The following STAG1 variants were observed in gnomAD, a reference collection of about 807,000 sequenced individuals.
The protein encoded by STAG1 is cohesin subunit SA-1.
STAG1 carries 26 observed loss-of-function variants against 170.9 expected under a neutral mutation model. The ratio of observed to expected loss-of-function variants is 0.15; its 90% confidence interval spans 0.11 to 0.21. The LOEUF is 0.21. Ranked by LOEUF, STAG1 falls within the 10% of genes least tolerant of loss-of-function variation. The pLI, the probability that STAG1 is intolerant of heterozygous loss-of-function variation, is 1.00. For missense variants in STAG1, 964 were observed against 1,509.5 expected (o/e 0.64, Z 5.99); for synonymous variants, 514 against 497.7 (o/e 1.03, Z -0.44).
At chr3:136,363,555 GAAAA>G in intron 25 of STAG1, 88 bp from the exon 26 acceptor site, 41 of 290,618 alleles carry the variant, frequency 1.4e-4, no homozygotes, top group Middle Eastern at 8.4e-4. Flanking sequence ...CTTTGAAAAT[GAAAA>G]AAAAAAAAAA....
intron 7 of STAG1, among the ~76,000 whole-genome samples, chr3:136,520,202 G>C (rs1015306454): frequency 5.9e-5 from 9 of 152,118 alleles, no homozygotes; most frequent in Admixed American, 5.2e-4. Flanking sequence ...CAAATCACCA[G>C]CATCAACATT....
At chr3:136,553,998 T>C (rs557207339) in intron 5 of STAG1, among the ~76,000 whole-genome samples, 84 of 152,040 alleles carry the variant, frequency 5.5e-4, no homozygotes, top group Admixed American at 1.4e-3. Flanking sequence ...CAGCTGTAAG[T>C]TGTAACAAGC....
intron 9 of STAG1, among the ~76,000 whole-genome samples, chr3:136,496,934 G>C (rs1933139937): frequency 6.6e-6 from 1 of 151,934 alleles, no homozygotes; most frequent in Non-Finnish European, 1.5e-5. Context: ...GGGAGAGAGA[G>C]AGAGATGTTA....
chr3:136,751,298 G>A (rs530120295), intron 1 of STAG1, among the ~76,000 whole-genome samples: 1 of 151,924 alleles, frequency 6.6e-6, no homozygotes, highest in Admixed American at 6.6e-5. Flanking sequence ...TGGGTAGATG[G>A]GGGTGACGTG....
At chr3:136,354,884 C>T (rs1225928203) in intron 28 of STAG1, among the ~76,000 whole-genome samples, 4 of 151,334 alleles carry the variant, frequency 2.6e-5, no homozygotes, top group Non-Finnish European at 5.9e-5. Flanking sequence ...ACATGAAACA[C>T]ACTTTAGATT....
At chr3:136,600,970 G>T (rs1334418437) in intron 4 of STAG1, among the ~76,000 whole-genome samples, 1 of 151,874 alleles carries the variant, frequency 6.6e-6, no homozygotes, top group East Asian at 1.9e-4. Flanking sequence ...GGCTCACTGC[G>T]ACCTCCGCCT....
chr3:136,435,266 T>A (rs1478419582), intron 15 of STAG1, among the ~76,000 whole-genome samples: 2 of 152,242 alleles, frequency 1.3e-5, no homozygotes, highest in South Asian at 4.1e-4. Context: ...ATGTAATAAC[T>A]TGTTTTATCC....
At chr3:136,356,681 A>G (rs895379259) in intron 28 of STAG1, among the ~76,000 whole-genome samples, 6 of 152,212 alleles carry the variant, frequency 3.9e-5, no homozygotes, top group African/African-American at 1.4e-4. Flanking sequence ...AATATTATAA[A>G]GGACTCTCTG....
chr3:136,684,743 T>C (rs1178673283), intron 1 of STAG1, among the ~76,000 whole-genome samples: 1 of 129,760 alleles, frequency 7.7e-6, no homozygotes, highest in Non-Finnish European at 1.5e-5. Flanking sequence ...GACACTGTAC[T>C]CCAGACTGGG....
intron 22 of STAG1, among the ~76,000 whole-genome samples, chr3:136,388,190 CAGTG>C (rs1029267729): frequency 6.4e-4 from 97 of 152,310 alleles, no homozygotes; most frequent in African/African-American, 2.3e-3. Flanking sequence ...ACCTATCCAG[CAGTG>C]AGTATCATTC....
At chr3:136,389,946 C>T (rs1194447307) in intron 22 of STAG1, among the ~76,000 whole-genome samples, 1 of 151,856 alleles carries the variant, frequency 6.6e-6, no homozygotes, top group African/African-American at 2.4e-5. Context: ...ATTCTTCTGC[C>T]TCAGCCTCCC....
chr3:136,405,699 A>G (rs1306833986), intron 21 of STAG1, among the ~76,000 whole-genome samples: 2 of 150,882 alleles, frequency 1.3e-5, no homozygotes, highest in East Asian at 3.9e-4. Flanking sequence ...TATTAAAAAT[A>G]CAAAAAATTA....
chr3:136,407,086 G>A (rs1196161674), intron 21 of STAG1, among the ~76,000 whole-genome samples: 2 of 152,034 alleles, frequency 1.3e-5, no homozygotes, highest in Admixed American at 6.6e-5. Context: ...GAGCGCAGTT[G>A]CGCAATCTCA....
chr3:136,730,041 A>G (rs1933924638), intron 1 of STAG1, among the ~76,000 whole-genome samples: 1 of 151,644 alleles, frequency 6.6e-6, no homozygotes, highest in African/African-American at 2.4e-5. Context: ...GACACGTGCC[A>G]CTACGCCCGG....
At chr3:136,649,561 G>A (rs1576714067) in intron 1 of STAG1, among the ~76,000 whole-genome samples, 1 of 147,976 alleles carries the variant, frequency 6.8e-6, no homozygotes, top group African/African-American at 2.5e-5. Flanking sequence ...TTTCAATAGG[G>A]CAGCCAATGA....
At chr3:136,469,645 A>C (rs1172959514) in intron 12 of STAG1, among the ~76,000 whole-genome samples, 2 of 152,268 alleles carry the variant, frequency 1.3e-5, no homozygotes, top group African/African-American at 2.4e-5. Flanking sequence ...ATTAAAGTTC[A>C]TATGGAACCA....
intron 6 of STAG1, among the ~76,000 whole-genome samples, chr3:136,540,593 G>A (rs1423726378): frequency 1.3e-5 from 2 of 151,732 alleles, no homozygotes; most frequent in Admixed American, 6.6e-5. Context: ...AGGCTGAGGT[G>A]GTTGGATCAC....
chr3:136,403,570 T>C (rs537879862), intron 21 of STAG1, among the ~76,000 whole-genome samples: 31 of 152,220 alleles, frequency 2.0e-4, no homozygotes, highest in Non-Finnish European at 4.0e-4. Context: ...AAGATTTGAA[T>C]TTGAAACAAC....
chr3:136,620,232 TAAA>T (rs142287204), intron 3 of STAG1, among the ~76,000 whole-genome samples: 3 of 151,796 alleles, frequency 2.0e-5, no homozygotes, highest in Admixed American at 1.3e-4. Context: ...GGATTAAACT[TAAA>T]AAAAGAAGTG....
Sources: gnomAD v4.1 joint callset for allele counts (sites outside exome capture counted in the v4.1 genomes callset) on GRCh38, gnomAD v4.1.1 for gene constraint, MANE v1.5 for transcripts, NCBI Gene and HGNC (gene_info 2026-07-23, HGNC 2026-07-21) for gene names.